GRID2: variants seen among roughly 807,000 people sequenced by gnomAD.
The protein encoded by GRID2 is glutamate ionotropic receptor delta type subunit 2.
A neutral mutation model predicts 114.8 loss-of-function variants in GRID2; 33 were observed. The observed-to-expected ratio is 0.29, with a 90% CI of 0.22 to 0.38. The LOEUF (loss-of-function observed/expected upper bound fraction) is 0.38, where lower values mean the gene tolerates loss of function less well. GRID2 is among the 10% of genes least tolerant of loss of function. The probability of loss-of-function intolerance (pLI) is 1.00; values close to 1 mark genes in which losing one functional copy is unlikely to be tolerated. For synonymous variants in GRID2, 505 were observed against 449.9 expected, an observed-to-expected ratio of 1.12 and a Z score of -1.55; for missense variants, 1,184 against 1,257.7, an observed-to-expected ratio of 0.94 and a Z score of 0.89.
At chr4:93,303,029 T>G (rs2149171221) in intron 8 of GRID2, among the ~76,000 whole-genome samples, 1 of 152,262 alleles carries the variant, frequency 6.6e-6, no homozygotes, top group South Asian at 2.1e-4. Context: ...TCAGGACACT[T>G]ACATCATGGA....
intron 3 of GRID2, among the ~76,000 whole-genome samples, chr4:93,096,613 C>T (rs1731249144): frequency 6.6e-6 from 1 of 151,904 alleles, no homozygotes; most frequent in Non-Finnish European, 1.5e-5. Flanking sequence ...CTTTATTAGT[C>T]CACAGAAAAA....
At chr4:93,175,624 C>CT (rs2149428401) in intron 4 of GRID2, among the ~76,000 whole-genome samples, 1 of 152,158 alleles carries the variant, frequency 6.6e-6, no homozygotes, top group Admixed American at 6.5e-5. Flanking sequence ...TAAGCCAAAA[C>CT]ATTTTTACTC....
chr4:93,378,310 C>G (rs758222446), intron 8 of GRID2, among the ~76,000 whole-genome samples: 13 of 152,044 alleles, frequency 8.6e-5, no homozygotes, highest in Non-Finnish European at 1.6e-4. Context: ...CAGCTAATAT[C>G]AGCACTGCTA....
In GRID2 at chr4:93,772,061, T is replaced by C; in HGVS notation, c.2602-15T>C. On this transcript the variant is annotated splice_polypyrimidine_tract_variant and intron_variant, in intron 15 of 15. Transcript: ENST00000282020. ...GTACTGATGAGAACCTTATTTTCTTTTTCTTCATCTCCAGGATGACAAGGA... is the reference window on the plus strand; with the variant it reads ...GTACTGATGAGAACCTTATTTTCTTCTTCTTCATCTCCAGGATGACAAGGA... 1 of 1,559,722 alleles carries C rather than the reference T, an allele frequency of 6.4e-7. No individual in the cohort carries two copies. The highest frequency in any genetic ancestry group is 1.1e-5 in the South Asian group (1 of 89,026).
chr4:92,666,320 C>T (rs183343125), intron 2 of GRID2, among the ~76,000 whole-genome samples: 3 of 151,534 alleles, frequency 2.0e-5, no homozygotes, highest in East Asian at 3.9e-4. Flanking sequence ...CTTACTTCCC[C>T]TGTGCCTTCC....
chr4:92,671,245 T>C (rs957480911), intron 2 of GRID2, among the ~76,000 whole-genome samples: 2 of 139,500 alleles, frequency 1.4e-5, no homozygotes, highest in Non-Finnish European at 3.2e-5. Context: ...CAATCAGATC[T>C]CATGAAAACT....
chr4:93,234,506 G>A (rs1746527950), intron 7 of GRID2, among the ~76,000 whole-genome samples: 1 of 152,030 alleles, frequency 6.6e-6, no homozygotes. Context: ...AGCTGGCTGT[G>A]AGTCTCTATT....
chr4:93,745,056 G>A (rs1024122852), intron 14 of GRID2, among the ~76,000 whole-genome samples: 1 of 152,280 alleles, frequency 6.6e-6, no homozygotes, highest in Non-Finnish European at 1.5e-5. Context: ...CTGTGGTATA[G>A]TGTAAACATA....
At chr4:92,735,010 C>T (rs1393297763) in intron 2 of GRID2, among the ~76,000 whole-genome samples, 1 of 151,998 alleles carries the variant, frequency 6.6e-6, no homozygotes, top group African/African-American at 2.4e-5. Context: ...GACTCTTGGG[C>T]TCAAGCAATC....
At chr4:93,411,541 T>A (rs1767135284) in intron 9 of GRID2, among the ~76,000 whole-genome samples, 3 of 151,962 alleles carry the variant, frequency 2.0e-5, no homozygotes, top group Non-Finnish European at 4.4e-5. Context: ...TTCAAGCGAT[T>A]CTCCCGCCTC....
At chr4:92,793,642 A>G (rs1739701300) in intron 2 of GRID2, among the ~76,000 whole-genome samples, 3 of 151,978 alleles carry the variant, frequency 2.0e-5, no homozygotes, top group Admixed American at 2.0e-4. Flanking sequence ...CATTTAATTT[A>G]TTTTAGAATT....
Position 93,110,938 on chromosome 4 carries a change from A to G in GRID2, c.720A>G (p.Lys240=). 1.9e-6 allele frequency: 3 copies of G among 1,607,202 alleles called. No homozygotes were observed. The highest frequency in any genetic ancestry group is 2.6e-6 in the Non-Finnish European group (3 of 1,173,670). ...AILVMNPATA[K]SFITEVVETN... ...TTGTTATGAATCCTGCTACAGCCAA[A>G]TCCTTCATTACTGAGGTAAGTGAAA... The change falls in exon 4 of 16, where the codon AAA becomes AAG. Residue 240 remains lysine (K), a synonymous_variant. Coordinates refer to ENST00000282020, the MANE Select transcript of GRID2 (RefSeq NM_001510.4).
chr4:92,437,819 C>T (rs144376559), intron 1 of GRID2, among the ~76,000 whole-genome samples: 5,623 of 152,252 alleles, frequency 0.037, 126 homozygotes, highest in Middle Eastern at 0.065. Context: ...TCAAGGTAAA[C>T]CACCACTTTA....
chr4:92,822,248 G>T, intron 2 of GRID2: 2 of 554,162 alleles, frequency 3.6e-6, no homozygotes, highest in Non-Finnish European at 3.6e-6. Context: ...GCATATCAAG[G>T]TGCTTGCCTT....
chr4:93,208,908 A>C (rs563910916), intron 5 of GRID2, among the ~76,000 whole-genome samples: 128 of 152,126 alleles, frequency 8.4e-4, no homozygotes, highest in Non-Finnish European at 1.5e-3. Flanking sequence ...GGATAGAGGG[A>C]AAGACAAAGG....
intron 1 of GRID2, among the ~76,000 whole-genome samples, chr4:92,545,805 G>A (rs1024301548): frequency 1.3e-5 from 2 of 152,152 alleles, no homozygotes; most frequent in Admixed American, 1.3e-4. Context: ...TCATATGTAC[G>A]AAAGCCAGCT....
At chr4:93,115,398 T>C (rs930232897) in intron 4 of GRID2, among the ~76,000 whole-genome samples, 4 of 63,502 alleles carry the variant, frequency 6.3e-5, no homozygotes, top group Admixed American at 2.6e-4. Context: ...TCCAAGTATA[T>C]ACAGACACAC....
At chr4:92,811,034 C>T (rs113139561) in intron 2 of GRID2, among the ~76,000 whole-genome samples, 9 of 152,180 alleles carry the variant, frequency 5.9e-5, no homozygotes, top group African/African-American at 1.9e-4. Context: ...CCACCTGCCT[C>T]GGCCTTCCAA....
intron 13 of GRID2, among the ~76,000 whole-genome samples, chr4:93,620,223 T>C (rs1742085728): frequency 2.0e-5 from 3 of 152,204 alleles, no homozygotes; most frequent in African/African-American, 7.2e-5. Context: ...GAGGATTTTC[T>C]TTAGCAAAGG....
Sources: gnomAD v4.1 joint callset for allele counts (sites outside exome capture counted in the v4.1 genomes callset) on GRCh38, gnomAD v4.1.1 for gene constraint, MANE v1.5 for transcripts, NCBI Gene and HGNC (gene_info 2026-07-23, HGNC 2026-07-21) for gene names.